The following TEKT5 variants were observed in gnomAD, a reference collection of about 807,000 sequenced individuals.
The protein encoded by TEKT5 is tektin 5, also known as tektin-5.
Under a neutral mutation model 48.7 loss-of-function variants are expected in TEKT5, and 52 were observed. The ratio of observed to expected loss-of-function variants is 1.07; its 90% CI spans 0.86 to 1.35. The LOEUF (loss-of-function observed/expected upper bound fraction) is 1.35. Among genes scored for constraint, TEKT5 ranks in the 40% most tolerant of loss-of-function variants. The pLI, the probability that TEKT5 is intolerant of heterozygous loss-of-function variation, is 0.00. For synonymous variants in TEKT5, 318 were observed against 267.6 expected (o/e 1.19, Z -1.84); for missense variants, 831 against 641.6 (o/e 1.30, Z -3.19).
At chr16:10,641,357 C>CCT (rs1897992492) in intron 5 of TEKT5, among the ~76,000 whole-genome samples, 2 of 152,162 alleles carry the variant, frequency 1.3e-5, no homozygotes, top group African/African-American at 4.8e-5. Context: ...ACTCTCCTCC[C>CCT]ATGGTCCCCA....
intron 5 of TEKT5, among the ~76,000 whole-genome samples, chr16:10,636,494 A>G (rs1277332382): frequency 6.6e-6 from 1 of 152,110 alleles, no homozygotes; most frequent in Non-Finnish European, 1.5e-5. Context: ...TGAACCTCCA[A>G]TAGCCATTAG....
rs768698257 is a variant in TEKT5, at chr16:10,631,083, T to TATAC, written c.1242-3285_1242-3284insGTAT. On this transcript the variant is annotated intron_variant, in intron 6 of 6. Coordinates refer to ENST00000283025, the MANE Select transcript of TEKT5 (RefSeq NM_144674.2). Reference sequence around the variant, plus strand: ...ATATCTATGTCCATATATATATATATACACACACACACACACACAAAAATT... The same window carrying TATAC: ...ATATCTATGTCCATATATATATATATATACACACACACACACACACACAAAAATT... 3.9e-3 allele frequency among the ~76,000 whole-genome samples: 575 copies of TATAC among 148,696 alleles called. 1 individual carries two copies. The highest frequency in any genetic ancestry group is 0.021 in the East Asian group (106 of 5,084).
Position 10,694,727 on chromosome 16 carries a change from T to A in TEKT5, c.147A>T (p.Ser49=). 6.2e-7 allele frequency: 1 copy of A among 1,614,044 alleles called. No homozygotes were observed. Among genetic ancestry groups the A allele is most frequent in the Non-Finnish European group, 8.5e-7 (1 of 1,179,954 alleles). The stretch of plus-strand genomic sequence containing the variant: ...TCTTGTAGAAGAGGCTAGGCCTCCA[T>A]GAATTGAGGTAGCGGTACCCGGGCA... The part of the protein sequence containing the change: ...YYLPGYRYLN[S]WRPSLFYKIA... Residue 49 remains serine, a synonymous_variant, in exon 1 of 7, where the codon TCA becomes TCT. Transcript: ENST00000283025.
intron 5 of TEKT5, among the ~76,000 whole-genome samples, chr16:10,664,384 TTC>T (rs1222662685): frequency 6.6e-6 from 1 of 152,244 alleles, no homozygotes; most frequent in African/African-American, 2.4e-5. Flanking sequence ...CTGGCAGACT[TTC>T]TGATTCAGTG....
chr16:10,633,986 C>A (rs1897877207), intron 6 of TEKT5, among the ~76,000 whole-genome samples: 1 of 152,170 alleles, frequency 6.6e-6, no homozygotes. Context: ...GATTATCTAT[C>A]CTCCTTCTCC....
chr16:10,684,279 C>A (rs1596418606), intron 3 of TEKT5, among the ~76,000 whole-genome samples: 1 of 151,938 alleles, frequency 6.6e-6, no homozygotes, highest in Non-Finnish European at 1.5e-5. Context: ...CTGCCTTTCT[C>A]TCTCCCTCCC....
intron 6 of TEKT5, among the ~76,000 whole-genome samples, chr16:10,630,574 T>G (rs1897824973): frequency 1.3e-5 from 2 of 152,188 alleles, no homozygotes; most frequent in Non-Finnish European, 2.9e-5. Flanking sequence ...GAAAGTATGT[T>G]GCAGCAGTGC....
At chr16:10,682,843 T>C (rs1187035499) in intron 3 of TEKT5, among the ~76,000 whole-genome samples, 1 of 152,204 alleles carries the variant, frequency 6.6e-6, no homozygotes, top group Non-Finnish European at 1.5e-5. Context: ...AGCTGTAGCT[T>C]GCTGACCTAA....
intron 5 of TEKT5, among the ~76,000 whole-genome samples, chr16:10,670,347 T>C (rs1898529739): frequency 6.6e-6 from 1 of 152,106 alleles, no homozygotes; most frequent in Non-Finnish European, 1.5e-5. Context: ...GTCAACATGG[T>C]GAAACCTCAT....
chr16:10,638,337 C>T (rs1209010219), intron 5 of TEKT5, among the ~76,000 whole-genome samples: 1 of 151,916 alleles, frequency 6.6e-6, no homozygotes, highest in Non-Finnish European at 1.5e-5. Flanking sequence ...ACCCTATTGT[C>T]ACCCAGTGGC....
At chr16:10,672,909 T>C (rs1898573503) in intron 5 of TEKT5, among the ~76,000 whole-genome samples, 2 of 151,436 alleles carry the variant, frequency 1.3e-5, no homozygotes, top group Non-Finnish European at 2.9e-5. Flanking sequence ...TTGGATGGAG[T>C]GCAGTGGTGC....
At chr16:10,665,070 C>T (rs1233986851) in intron 5 of TEKT5, among the ~76,000 whole-genome samples, 1 of 152,070 alleles carries the variant, frequency 6.6e-6, no homozygotes, top group Non-Finnish European at 1.5e-5. Flanking sequence ...TCTTACCTGT[C>T]GGGACACAGA....
At position 10,627,715 on chromosome 16, in the gene TEKT5, C is replaced by T; in HGVS notation, c.1326G>A (p.Leu442=). The change falls in exon 7 of 7, where the codon CTG becomes CTA. Residue 442 remains leucine (L), a synonymous_variant. Transcript: ENST00000283025. The part of the protein sequence containing the change: ...RLRETQDTLQ[L]LVMTKCRLEH... ...CCAGCCGGCACTTGGTCATGACCAG[C>T]AGCTGCAGCGTGTCCTGTGTCTCCC... The T allele has an allele frequency of 6.2e-7, 1 of 1,614,180 alleles. No individual in the cohort carries two copies. The highest frequency in any genetic ancestry group is 8.5e-7 in the Non-Finnish European group (1 of 1,180,020).
chr16:10,663,444 G>A (rs1898407753), intron 5 of TEKT5, among the ~76,000 whole-genome samples: 1 of 152,322 alleles, frequency 6.6e-6, no homozygotes, highest in South Asian at 2.1e-4. Context: ...GAGTTTCCAA[G>A]GAGATGCTTG....
At chr16:10,639,141 C>T (rs115567282) in intron 5 of TEKT5, among the ~76,000 whole-genome samples, 3,245 of 151,814 alleles carry the variant, frequency 0.021, 117 homozygotes, top group African/African-American at 0.075. Flanking sequence ...CTTATCTCTA[C>T]AAAATAATTT....
At chr16:10,686,294 A>C (rs981141216) in intron 3 of TEKT5, among the ~76,000 whole-genome samples, 32 of 152,058 alleles carry the variant, frequency 2.1e-4, no homozygotes, top group African/African-American at 7.7e-4. Flanking sequence ...AATCAACTCA[A>C]AATAGATTAA....
At position 10,679,442 on chromosome 16, in the gene TEKT5, C is replaced by A. The variant is rs138206943; in HGVS notation, c.863+2551G>T. Among the ~76,000 whole-genome samples, 174 of 142,362 alleles carry A rather than the reference C, an allele frequency of 1.2e-3. 1 individual carries two copies. Among genetic ancestry groups the A allele is most frequent in the African/African-American group, 4.5e-3 (168 of 37,720 alleles). 93.4% of individuals were successfully genotyped at this position (142,362 alleles called of 152,430 possible). A position where few individuals can be genotyped will look rare whatever the true frequency, so the allele number is the denominator to read the frequency against. ...ACTGCGCTCTGGCCTGGTGACAGAG[C>A]GAGACTCTGTCTAAAAAAAAAAAAA... On this transcript the variant is annotated intron_variant, in intron 4 of 6. Coordinates refer to ENST00000283025, the MANE Select transcript of TEKT5 (RefSeq NM_144674.2).
rs372032168 is a variant in TEKT5, at chr16:10,661,532, A to G, written c.1086+14427T>C. On this transcript the variant is annotated intron_variant, in intron 5 of 6. Transcript: ENST00000283025. ...TTTCATGCAGATCTCTCTGGCTGCC[A>G]TTTGGAGGATAGACAGAGGGGACAA... 3.9e-5 allele frequency among the ~76,000 whole-genome samples: 6 copies of G among 152,326 alleles called. No homozygotes were observed. In the East Asian group the frequency reaches 1.2e-3, roughly 29 times the overall value.
chr16:10,675,205 G>A (rs2142300615), intron 5 of TEKT5, among the ~76,000 whole-genome samples: 1 of 152,276 alleles, frequency 6.6e-6, no homozygotes, highest in East Asian at 1.9e-4. Context: ...TTCTTTCTGT[G>A]TATAAATTTC....
Sources: gnomAD v4.1 joint callset for allele counts (sites outside exome capture counted in the v4.1 genomes callset) on GRCh38, gnomAD v4.1.1 for gene constraint, MANE v1.5 for transcripts, NCBI Gene and HGNC (gene_info 2026-07-23, HGNC 2026-07-21) for gene names.